ZNF226: variants seen among roughly 807,000 people sequenced by gnomAD.
The protein encoded by ZNF226 is zinc finger protein 226, also known as Kruppel-associated box protein.
Under a neutral mutation model 11.4 loss-of-function variants are expected in ZNF226, and 6 were observed. That is an observed-to-expected ratio of 0.53 (90% CI 0.29 to 1.04). The LOEUF (loss-of-function observed/expected upper bound fraction) is 1.04, where lower values mean the gene tolerates loss of function less well. Ranked by LOEUF, ZNF226 falls within the 50% of genes least tolerant of loss-of-function variation. The pLI is 0.08. For synonymous variants in ZNF226, 350 were observed against 322.8 expected, an observed-to-expected ratio of 1.08 and a Z score of -0.90; for missense variants, 1,058 against 956.5, an observed-to-expected ratio of 1.11 and a Z score of -1.40.
chr19:44,199,268 C>T, the ZNF226 span, among the ~76,000 whole-genome samples: 2 of 151,874 alleles, frequency 1.3e-5, no homozygotes, highest in Middle Eastern at 3.4e-3. Context: ...TCTGCCTCCC[C>T]GGCTCAAGTG....
At position 44,176,532 on chromosome 19, in the gene ZNF226, T is replaced by C; in HGVS notation, c.1270T>C (p.Cys424Arg). The change falls in exon 6 of 6, where the codon TGT (cysteine) becomes CGT (arginine). Residue 424 changes from cysteine to arginine, a missense_variant. Transcript: ENST00000337433. ...AGAGAAACCATACAAATGTGAGGAG[T>C]GTGGTAAGGGCTTCATTTGTAGCTC... ...TGEKPYKCEE[C>R]GKGFICSSNL... 6.2e-7 allele frequency: 1 copy of C among 1,613,916 alleles called. No homozygotes were observed. Among genetic ancestry groups the C allele is most frequent in the Non-Finnish European group, 8.5e-7 (1 of 1,179,966 alleles).
chr19:44,171,870 A>T (rs574475061), intron 3 of ZNF226, among the ~76,000 whole-genome samples: 1 of 152,224 alleles, frequency 6.6e-6, no homozygotes, highest in South Asian at 2.1e-4. Flanking sequence ...AAATTCCCTT[A>T]TAAGAGTACT....
Position 44,176,050 on chromosome 19 carries a change from ATC to A in ZNF226, c.793_794del (p.Ser265GlnfsTer3). The A allele has an allele frequency of 6.2e-7, 1 of 1,614,136 alleles. No individual in the cohort carries two copies. Among genetic ancestry groups the A allele is most frequent in the Non-Finnish European group, 8.5e-7 (1 of 1,179,996 alleles). On this transcript the variant is annotated frameshift_variant, in exon 6 of 6. Coordinates refer to ENST00000337433, the MANE Select transcript of ZNF226 (RefSeq NM_001032373.2). LOFTEE classifies it low-confidence loss of function (END_TRUNC). ...AATGAGTGTAAAAAACCCTTCAGTG[ATC>A]TCTCCAGCTTTGATCTTCATCAGCA...
intron 5 of ZNF226, chr19:44,174,866 G>C: frequency 6.3e-6 from 6 of 954,544 alleles, no homozygotes; most frequent in Non-Finnish European, 9.4e-6. Context: ...TTCACCCCAA[G>C]TGATTATCAA....
In ZNF226 at chr19:44,176,469, A is replaced by G; in HGVS notation, c.1207A>G (p.Asn403Asp). Reference protein sequence around the residue: ...CDACGKSFSRNSHLQSHQRVH... With the variant: ...CDACGKSFSRDSHLQSHQRVH... ...TGCATGTGGTAAGAGCTTCAGTCGG[A>G]ATTCACATCTTCAATCCCATCAAAG... The change falls in exon 6 of 6, where the codon AAT (asparagine) becomes GAT (aspartate). Residue 403 changes from asparagine to aspartate, a missense_variant. Transcript: ENST00000337433. 6.2e-7 allele frequency: 1 copy of G among 1,614,118 alleles called. No homozygotes were observed. The highest frequency in any genetic ancestry group is 8.5e-7 in the Non-Finnish European group (1 of 1,180,014).
chr19:44,168,646 G>T (rs1352155198), intron 2 of ZNF226, among the ~76,000 whole-genome samples: 1 of 152,084 alleles, frequency 6.6e-6, no homozygotes, highest in Non-Finnish European at 1.5e-5. Flanking sequence ...TTCAAGCTAT[G>T]CATTGTCAGC....
rs1378501544 is a variant in ZNF226, at chr19:44,176,757, G to A, written c.1495G>A (p.Gly499Arg). 2 of 1,614,106 alleles carry A rather than the reference G, an allele frequency of 1.2e-6. No homozygotes were observed. Among genetic ancestry groups the A allele is most frequent in the Non-Finnish European group, 1.7e-6 (2 of 1,180,000 alleles). The change falls in exon 6 of 6, where the codon GGA (glycine) becomes AGA (arginine). Residue 499 changes from glycine to arginine, a missense_variant. Coordinates refer to ENST00000337433, the MANE Select transcript of ZNF226 (RefSeq NM_001032373.2). Reference protein sequence around the residue: ...NLQAHQRVHTGEKPYKCNECG... With the variant: ...NLQAHQRVHTREKPYKCNECG... ...TCAAGCCCATCAGAGAGTCCACACTGGAGAGAAGCCATACAAATGCAATGA... is the reference window on the plus strand; with the variant it reads ...TCAAGCCCATCAGAGAGTCCACACTAGAGAGAAGCCATACAAATGCAATGA...
the ZNF226 span, among the ~76,000 whole-genome samples, chr19:44,190,008 C>A: frequency 6.6e-6 from 1 of 152,092 alleles, no homozygotes; most frequent in African/African-American, 2.4e-5. Flanking sequence ...GATTAGGGAA[C>A]CTAGAATAAC....
rs1350682833 is a variant in ZNF226 at position 44,177,634 on chromosome 19, ACAT to A, written c.2375_2377del (p.Ile792del). The A allele has an allele frequency of 6.2e-7, 1 of 1,604,434 alleles. No individual in the cohort carries two copies. The highest frequency in any genetic ancestry group is 8.5e-7 in the Non-Finnish European group (1 of 1,175,824). The stretch of plus-strand genomic sequence containing the variant: ...TATAAAAGTAATAGGGGTGGTAAGA[ACAT>A]CAGAGAATCCACACAGGAAAAAAAA... On this transcript the variant is annotated inframe_deletion, in exon 6 of 6. Coordinates refer to ENST00000337433, the MANE Select transcript of ZNF226 (RefSeq NM_001032373.2).
chr19:44,176,527 A>G lies in ZNF226; in HGVS notation c.1265A>G (p.Glu422Gly), dbSNP rs1181435586. ...ACAGGAGAGAAACCATACAAATGTG[A>G]GGAGTGTGGTAAGGGCTTCATTTGT... ...VHTGEKPYKC[E>G]ECGKGFICSS... Residue 422 changes from glutamate to glycine, a missense_variant, in exon 6 of 6, where the codon GAG becomes GGG. By Grantham distance (98) the Glu-to-Gly change is moderately conservative (BLOSUM62 -2). Coordinates refer to ENST00000337433, the MANE Select transcript of ZNF226 (RefSeq NM_001032373.2). 5.0e-6 allele frequency: 8 copies of G among 1,614,088 alleles called. No individual in the cohort carries two copies. Among genetic ancestry groups the G allele is most frequent in the South Asian group, 1.1e-5 (1 of 91,090 alleles).
At chr19:44,172,295 G>T (rs2122390890) in intron 4 of ZNF226, 81 bp downstream of exon 4, 1 of 1,513,346 alleles carries the variant, frequency 6.6e-7, no homozygotes, top group Non-Finnish European at 8.9e-7. Flanking sequence ...TTCCCTGAGT[G>T]TGGGAATCTG....
the ZNF226 span, among the ~76,000 whole-genome samples, chr19:44,197,975 A>T: frequency 2.0e-5 from 3 of 152,312 alleles, no homozygotes; most frequent in South Asian, 2.1e-4. Flanking sequence ...TAATTTTAAG[A>T]TCTATATTCC....
At chr19:44,188,838 A>G in the ZNF226 span, among the ~76,000 whole-genome samples, 17 of 152,358 alleles carry the variant, frequency 1.1e-4, no homozygotes, top group African/African-American at 4.1e-4. Context: ...GAGCATTTCA[A>G]TGGGAATACA....
At chr19:44,182,883 G>A (rs1884477437), downstream of ZNF226, among the ~76,000 whole-genome samples, 1 of 152,170 alleles carries the variant, frequency 6.6e-6, no homozygotes, top group Admixed American at 6.5e-5. Flanking sequence ...GAAGCCTACT[G>A]AATCCCTGCT....
At chr19:44,194,430 C>T in the ZNF226 span, among the ~76,000 whole-genome samples, 1 of 151,896 alleles carries the variant, frequency 6.6e-6, no homozygotes, top group Non-Finnish European at 1.5e-5. Flanking sequence ...CGTGCATCAC[C>T]ACATCTGGCT....
downstream of ZNF226, among the ~76,000 whole-genome samples, chr19:44,180,086 CAAA>C (rs60173546): frequency 8.2e-3 from 447 of 54,646 alleles, 1 homozygote; most frequent in South Asian, 0.028. Context: ...GACTCTGTCT[CAAA>C]AAAAAAAAAA....
chr19:44,185,297 T>C, the ZNF226 span, among the ~76,000 whole-genome samples: 6 of 152,222 alleles, frequency 3.9e-5, no homozygotes, highest in Admixed American at 2.6e-4. Flanking sequence ...ATCCAGTAAT[T>C]CTATTTTTAA....
chr19:44,178,662 G>A (rs1489830910), downstream of ZNF226, among the ~76,000 whole-genome samples: 1 of 152,092 alleles, frequency 6.6e-6, no homozygotes, highest in African/African-American at 2.4e-5. Flanking sequence ...AAATGCTTTT[G>A]GAAGAGAAGT....
chr19:44,184,459 A>G, the ZNF226 span, among the ~76,000 whole-genome samples: 4 of 152,114 alleles, frequency 2.6e-5, no homozygotes, highest in Non-Finnish European at 5.9e-5. Flanking sequence ...GGGCGCCTAT[A>G]ATCCCAGCTG....
Sources: allele counts gnomAD v4.1 joint callset (sites outside exome capture counted in the v4.1 genomes callset), GRCh38; gene constraint gnomAD v4.1.1; transcripts MANE v1.5; gene names NCBI Gene and HGNC (gene_info 2026-07-23, HGNC 2026-07-21).